CACNA2D3: variants seen among roughly 807,000 people sequenced by gnomAD.
CACNA2D3 encodes the protein calcium voltage-gated channel auxiliary subunit alpha2delta 3.
CACNA2D3 carries 60 observed loss-of-function variants against 160.6 expected under a neutral mutation model. The observed-to-expected ratio is 0.37, with a 90% CI of 0.30 to 0.46. The LOEUF is 0.46. Among genes scored for constraint, CACNA2D3 ranks in the 20% least tolerant of loss-of-function variants. The pLI, the probability that CACNA2D3 is intolerant of heterozygous loss-of-function variation, is 1.00. For missense variants in CACNA2D3, 1,205 were observed against 1,365.0 expected (o/e 0.88, Z 1.85); for synonymous variants, 558 against 492.9 (o/e 1.13, Z -1.75).
chr3:54,913,224 A>G (rs1182060308), intron 27 of CACNA2D3, among the ~76,000 whole-genome samples: 1 of 152,158 alleles, frequency 6.6e-6, no homozygotes, highest in East Asian at 1.9e-4. Context: ...CTGGGATCAT[A>G]GGCATGTGCC....
intron 9 of CACNA2D3, among the ~76,000 whole-genome samples, chr3:54,609,609 G>A (rs901423666): frequency 1.3e-5 from 2 of 152,148 alleles, no homozygotes; most frequent in Non-Finnish European, 2.9e-5. Flanking sequence ...TAACACGTCC[G>A]CTAATAGGGA....
chr3:54,327,026 A>C (rs1348357755), intron 3 of CACNA2D3, among the ~76,000 whole-genome samples: 1 of 152,220 alleles, frequency 6.6e-6, no homozygotes, highest in East Asian at 1.9e-4. Context: ...AAACCAGAAG[A>C]ATCTTAAAAA....
At chr3:55,050,049 C>G (rs1354728974) in intron 35 of CACNA2D3, among the ~76,000 whole-genome samples, 1 of 151,374 alleles carries the variant, frequency 6.6e-6, no homozygotes, top group Non-Finnish European at 1.5e-5. Flanking sequence ...GGTCTTGACT[C>G]TTTATCCAAT....
chr3:54,463,449 A>G (rs2106850026), intron 4 of CACNA2D3, among the ~76,000 whole-genome samples: 1 of 152,190 alleles, frequency 6.6e-6, no homozygotes, highest in East Asian at 1.9e-4. Context: ...ATAGTGCCAT[A>G]TTTCTTGGAG....
chr3:54,880,100 A>G (rs2106840027), intron 20 of CACNA2D3, among the ~76,000 whole-genome samples: 1 of 152,384 alleles, frequency 6.6e-6, no homozygotes, highest in East Asian at 1.9e-4. Flanking sequence ...AATAAATTCT[A>G]GCATTGTTGT....
intron 14 of CACNA2D3, among the ~76,000 whole-genome samples, chr3:54,831,849 T>C (rs1345211312): frequency 6.6e-6 from 1 of 152,110 alleles, no homozygotes; most frequent in Non-Finnish European, 1.5e-5. Context: ...CATTTCATGC[T>C]CATTGAAGCT....
At chr3:54,485,135 G>A (rs1363746906) in intron 4 of CACNA2D3, among the ~76,000 whole-genome samples, 1 of 152,058 alleles carries the variant, frequency 6.6e-6, no homozygotes, top group African/African-American at 2.4e-5. Flanking sequence ...ATGAGCCACC[G>A]TGCCCAGCTC....
At chr3:54,618,501 A>C (rs2106799799) in intron 9 of CACNA2D3, among the ~76,000 whole-genome samples, 1 of 152,080 alleles carries the variant, frequency 6.6e-6, no homozygotes, top group Admixed American at 6.6e-5. Flanking sequence ...TATGTAATTA[A>C]GCTTGGCAAA....
intron 2 of CACNA2D3, among the ~76,000 whole-genome samples, chr3:54,308,171 G>T (rs371916579): frequency 5.3e-5 from 8 of 152,276 alleles, no homozygotes; most frequent in Admixed American, 1.3e-4. Context: ...AAACCAAGGT[G>T]TGGTGGTTAA....
At chr3:54,821,634 G>GTCTTTCTTTCTT (rs1268858260) in intron 14 of CACNA2D3, among the ~76,000 whole-genome samples, 1 of 140,396 alleles carries the variant, frequency 7.1e-6, no homozygotes, top group African/African-American at 2.6e-5. Flanking sequence ...TTTTTCTAGA[G>GTCTTTCTTTCTT]TCTTTCGTTC....
intron 15 of CACNA2D3, 105 bp from the exon 16 acceptor site, chr3:54,838,463 G>C (rs1417634349): frequency 1.1e-6 from 1 of 878,866 alleles, no homozygotes; most frequent in African/African-American, 1.6e-5. Context: ...ATCTGTATCA[G>C]TTTGGGGAAG....
intron 4 of CACNA2D3, among the ~76,000 whole-genome samples, chr3:54,390,956 C>A (rs1389263835): frequency 6.6e-6 from 1 of 151,992 alleles, no homozygotes; most frequent in Non-Finnish European, 1.5e-5. Flanking sequence ...GGAACCTACC[C>A]TATTAGCTCA....
chr3:54,577,783 G>A (rs1702610359), intron 8 of CACNA2D3, among the ~76,000 whole-genome samples: 1 of 152,158 alleles, frequency 6.6e-6, no homozygotes, highest in South Asian at 2.1e-4. Context: ...CAAAAGCTGA[G>A]GCCAAGCTCA....
chr3:55,033,584 G>GTATATATATATA (rs36230201), intron 35 of CACNA2D3, among the ~76,000 whole-genome samples: 1 of 112,804 alleles, frequency 8.9e-6, no homozygotes, highest in African/African-American at 3.3e-5. Flanking sequence ...ATGTGTGTGT[G>GTATATATATATA]TATATATATA....
At chr3:54,189,944 C>A (rs992397741) in intron 2 of CACNA2D3, among the ~76,000 whole-genome samples, 6 of 152,200 alleles carry the variant, frequency 3.9e-5, no homozygotes, top group African/African-American at 1.4e-4. Context: ...GCCCAGTTGT[C>A]TTAGTCTATT....
chr3:54,595,691 T>C (rs1321595121), intron 9 of CACNA2D3, among the ~76,000 whole-genome samples: 1 of 152,122 alleles, frequency 6.6e-6, no homozygotes, highest in Non-Finnish European at 1.5e-5. Context: ...TGTCTTGATA[T>C]CAGTTTTGTG....
At chr3:54,867,167 T>C (rs1177830872) in intron 17 of CACNA2D3, among the ~76,000 whole-genome samples, 1 of 152,148 alleles carries the variant, frequency 6.6e-6, no homozygotes, top group Non-Finnish European at 1.5e-5. Context: ...GAAGAAGTGG[T>C]GGAGCCGAGG....
intron 5 of CACNA2D3, among the ~76,000 whole-genome samples, chr3:54,549,122 G>A (rs1432838534): frequency 1.3e-5 from 2 of 152,176 alleles, no homozygotes; most frequent in Non-Finnish European, 2.9e-5. Flanking sequence ...ATTAGAGGCA[G>A]GAGAGTCAGC....
intron 2 of CACNA2D3, among the ~76,000 whole-genome samples, chr3:54,200,473 T>C (rs149189362): frequency 1.1e-3 from 164 of 152,272 alleles, no homozygotes; most frequent in African/African-American, 3.7e-3. Context: ...TTCAAAGAAG[T>C]AAGGAGAATA....
Sources: gnomAD v4.1 joint callset for allele counts (sites outside exome capture counted in the v4.1 genomes callset) on GRCh38, gnomAD v4.1.1 for gene constraint, MANE v1.5 for transcripts, NCBI Gene and HGNC (gene_info 2026-07-23, HGNC 2026-07-21) for gene names.